Variants in NLGN1 observed in about 807,000 individuals in gnomAD.
NLGN1 encodes neuroligin-1.
A neutral mutation model predicts 65.5 loss-of-function variants in NLGN1; 12 were observed. The ratio of observed to expected loss-of-function variants is 0.18; its 90% CI spans 0.12 to 0.30. The LOEUF (loss-of-function observed/expected upper bound fraction) is 0.30, where lower values mean the gene tolerates loss of function less well. Among genes scored for constraint, NLGN1 ranks in the 10% least tolerant of loss-of-function variants. The pLI is 1.00. For synonymous variants in NLGN1, 350 were observed against 359.5 expected, an observed-to-expected ratio of 0.97 and a Z score of 0.30; for missense variants, 750 against 1,007.1, an observed-to-expected ratio of 0.74 and a Z score of 3.46.
rs149658780 is a variant in NLGN1 at position 174,124,649 on chromosome 3, A to C, written c.647-150666A>C. Among the ~76,000 whole-genome samples the C allele has an allele frequency of 1.6e-3, 238 of 147,938 alleles. 5 individuals carry two copies. The East Asian group carries it at 0.038, about 23-fold the overall frequency. ...CACATATACGTATATATATAAGTAC[A>C]TACTTATATATATGTATATGTGTAT... On this transcript the variant is annotated intron_variant, in intron 4 of 6. Coordinates refer to ENST00000457714, the Ensembl canonical transcript of NLGN1.
chr3:173,789,659 C>T (rs1712205174), intron 3 of NLGN1, among the ~76,000 whole-genome samples: 1 of 152,200 alleles, frequency 6.6e-6, no homozygotes, highest in African/African-American at 2.4e-5. Context: ...GAATTTAGCA[C>T]CTGTAATTCA....
intron 1 of NLGN1, among the ~76,000 whole-genome samples, chr3:173,428,262 T>C (rs895661488): frequency 6.6e-6 from 1 of 151,904 alleles, no homozygotes; most frequent in East Asian, 1.9e-4. Flanking sequence ...TTGCATAATT[T>C]AGTTTATTAC....
At chr3:173,416,698 A>G (rs1713863516) in intron 1 of NLGN1, among the ~76,000 whole-genome samples, 1 of 152,200 alleles carries the variant, frequency 6.6e-6, no homozygotes, top group Non-Finnish European at 1.5e-5. Context: ...GTGAGCATCA[A>G]GATTCGAAAG....
chr3:173,714,055 A>G (rs977288925), intron 3 of NLGN1, among the ~76,000 whole-genome samples: 1 of 152,202 alleles, frequency 6.6e-6, no homozygotes, highest in Non-Finnish European at 1.5e-5. Flanking sequence ...AAAGTGTAAT[A>G]GAAATACATT....
At chr3:173,770,717 A>G (rs189918562) in intron 3 of NLGN1, among the ~76,000 whole-genome samples, 1 of 152,256 alleles carries the variant, frequency 6.6e-6, no homozygotes, top group East Asian at 1.9e-4. Flanking sequence ...CGACCTTTCA[A>G]AGTCTCAGTT....
intron 4 of NLGN1, among the ~76,000 whole-genome samples, chr3:173,972,044 G>T (rs1474760200): frequency 1.3e-5 from 2 of 151,980 alleles, no homozygotes; most frequent in African/African-American, 4.8e-5. Context: ...CTTCTGAAGA[G>T]CCCACAGAAG....
intron 4 of NLGN1, among the ~76,000 whole-genome samples, chr3:173,820,179 G>GAAAAAAAAAAAAAAAAAAAAAAAAAA (rs63081662): frequency 7.3e-6 from 1 of 136,616 alleles, no homozygotes; most frequent in African/African-American, 2.6e-5. Context: ...ATTCAGTCTC[G>GAAAAAAAAAAAAAAAAAAAAAAAAAA]AAAAAAAAAA....
intron 3 of NLGN1, among the ~76,000 whole-genome samples, chr3:173,629,228 T>C (rs1755293673): frequency 6.6e-6 from 1 of 152,030 alleles, no homozygotes; most frequent in South Asian, 2.1e-4. Context: ...ATAGATCATA[T>C]TCCCAGGCTG....
chr3:173,852,310 C>T (rs1463245786), intron 4 of NLGN1, among the ~76,000 whole-genome samples: 7 of 118,930 alleles, frequency 5.9e-5, no homozygotes, highest in Non-Finnish European at 1.1e-4. Flanking sequence ...GAGCCGAGAT[C>T]GCGCCACTGC....
intron 4 of NLGN1, among the ~76,000 whole-genome samples, chr3:173,877,727 A>C (rs534488428): frequency 6.6e-6 from 1 of 152,304 alleles, no homozygotes; most frequent in African/African-American, 2.4e-5. Context: ...AAGCTCTTAT[A>C]ATAAAATGTA....
chr3:173,854,899 C>T (rs1727662830), intron 4 of NLGN1, among the ~76,000 whole-genome samples: 1 of 152,014 alleles, frequency 6.6e-6, no homozygotes, highest in African/African-American at 2.4e-5. Context: ...CCTTGGCAGG[C>T]TTTTTGAAAA....
intron 3 of NLGN1, among the ~76,000 whole-genome samples, chr3:173,747,970 CCAT>C (rs1288884805): frequency 2.6e-5 from 4 of 151,274 alleles, no homozygotes; most frequent in African/African-American, 9.7e-5. Flanking sequence ...TGCCCCACCA[CCAT>C]ATTTTTGGTT....
In NLGN1 at chr3:173,629,210, C is replaced by A. The variant is rs554952895; in HGVS notation, c.493+24119C>A. Among the ~76,000 whole-genome samples the A allele has an allele frequency of 7.3e-5, 11 of 151,568 alleles. No individual in the cohort carries two copies. In the East Asian group the frequency reaches 1.8e-3, roughly 24 times the overall value. ...TCTAGACAGGAGGATCCAATTATTT[C>A]TTTGTGCATAGATCATATTCCCAGG... On this transcript the variant is annotated intron_variant, in intron 3 of 6. Coordinates refer to ENST00000457714, the Ensembl canonical transcript of NLGN1.
At chr3:174,158,609 T>C (rs1725911669) in intron 4 of NLGN1, among the ~76,000 whole-genome samples, 1 of 151,712 alleles carries the variant, frequency 6.6e-6, no homozygotes. Context: ...TGGGTCAGAA[T>C]TTGCATTTTA....
chr3:173,642,340 C>T (rs183765504), intron 3 of NLGN1, among the ~76,000 whole-genome samples: 4 of 152,168 alleles, frequency 2.6e-5, no homozygotes, highest in Non-Finnish European at 5.9e-5. Context: ...GGAATCTAGC[C>T]GACTCTCAGG....
At chr3:174,147,465 C>CTTTTTTTTTTTTTTT in intron 4 of NLGN1, among the ~76,000 whole-genome samples, 1 of 31,730 alleles carries the variant, frequency 3.2e-5, no homozygotes, top group Non-Finnish European at 6.9e-5. Context: ...CAGAGTTTTG[C>CTTTTTTTTTTTTTTT]TCTTTTTGCT....
intron 4 of NLGN1, among the ~76,000 whole-genome samples, chr3:173,936,182 G>A (rs1157719718): frequency 6.6e-6 from 1 of 151,178 alleles, no homozygotes; most frequent in African/African-American, 2.4e-5. Flanking sequence ...TTTCTGTATT[G>A]TGTTTATATG....
In NLGN1 at chr3:173,426,410, A is replaced by G. The variant is rs561569411; in HGVS notation, c.-389-8600A>G. Among the ~76,000 whole-genome samples the G allele has an allele frequency of 7.9e-5, 12 of 152,164 alleles. No individual in the cohort carries two copies. The South Asian group carries it at 1.7e-3, about 21-fold the overall frequency. On this transcript the variant is annotated intron_variant, in intron 1 of 6. Transcript: ENST00000457714. ...AAACTAGGTATCTTTTTCGTTTTCC[A>G]AATTTGACAATAAAGTTTTTCAAAT...
At chr3:174,128,315 G>A (rs1336460692) in intron 4 of NLGN1, among the ~76,000 whole-genome samples, 1 of 152,138 alleles carries the variant, frequency 6.6e-6, no homozygotes, top group African/African-American at 2.4e-5. Context: ...TTGTAAAGGT[G>A]TAATAATTTA....
Sources: allele counts gnomAD v4.1 joint callset (sites outside exome capture counted in the v4.1 genomes callset), GRCh38; gene constraint gnomAD v4.1.1; transcripts MANE v1.5; gene names NCBI Gene and HGNC (gene_info 2026-07-23, HGNC 2026-07-21).